Variants in SLC37A3 observed in about 807,000 individuals in gnomAD.
The protein encoded by SLC37A3 is sugar phosphate exchanger 3.
Under a neutral mutation model 67.1 loss-of-function variants are expected in SLC37A3, and 51 were observed. That is an observed-to-expected ratio of 0.76 (90% confidence interval 0.61 to 0.96). The LOEUF is 0.96. Ranked by LOEUF, SLC37A3 falls within the 40% of genes least tolerant of loss-of-function variation. The pLI is 0.00. For missense variants in SLC37A3, 508 were observed against 603.0 expected (o/e 0.84, Z 1.65); for synonymous variants, 214 against 231.4 (o/e 0.92, Z 0.68).
chr7:140,397,573 ACAT>A (rs1798989361), intron 1 of SLC37A3, among the ~76,000 whole-genome samples: 1 of 152,152 alleles, frequency 6.6e-6, no homozygotes, highest in South Asian at 2.1e-4. Context: ...TATCCAAGAA[ACAT>A]CAAACAAACT....
chr7:140,381,498 C>A (rs6464729), intron 2 of SLC37A3, among the ~76,000 whole-genome samples: 53,722 of 151,416 alleles, frequency 0.35, 11,031 homozygotes, highest in African/African-American at 0.56. Context: ...GCACTCCAGT[C>A]TGGGCGACAG....
intron 1 of SLC37A3, among the ~76,000 whole-genome samples, chr7:140,388,595 G>A (rs1232803848): frequency 3.3e-5 from 5 of 151,968 alleles, no homozygotes; most frequent in African/African-American, 1.2e-4. Flanking sequence ...GGAGGATCAC[G>A]AAGTCAGGGG....
intron 4 of SLC37A3, among the ~76,000 whole-genome samples, chr7:140,364,721 GAA>G (rs926076600): frequency 1.4e-5 from 2 of 146,936 alleles, no homozygotes; most frequent in African/African-American, 2.5e-5. Context: ...AAAATAGAAG[GAA>G]AAAAATATTA....
intron 9 of SLC37A3, among the ~76,000 whole-genome samples, chr7:140,350,375 T>A (rs1177847864): frequency 6.6e-6 from 1 of 152,132 alleles, no homozygotes; most frequent in African/African-American, 2.4e-5. Flanking sequence ...AGGGATTTAG[T>A]GTAGACGTTA....
chr7:140,385,073 C>A (rs1191591994), intron 1 of SLC37A3, among the ~76,000 whole-genome samples: 1 of 152,224 alleles, frequency 6.6e-6, no homozygotes, highest in East Asian at 1.9e-4. Context: ...GCCCCTGGGA[C>A]AAGCCATGCT....
chr7:140,371,056 A>G (rs1463411449), intron 3 of SLC37A3, among the ~76,000 whole-genome samples: 2 of 152,204 alleles, frequency 1.3e-5, no homozygotes, highest in African/African-American at 2.4e-5. Flanking sequence ...CAACCCCAGG[A>G]GCTTAGGGAA....
chr7:140,372,963 T>C (rs536580573), intron 3 of SLC37A3, among the ~76,000 whole-genome samples: 1 of 152,272 alleles, frequency 6.6e-6, no homozygotes, highest in East Asian at 1.9e-4. Context: ...ATTTTTCTTT[T>C]TCTTTTGAGA....
At chr7:140,369,922 C>A (rs1474753367) in intron 3 of SLC37A3, among the ~76,000 whole-genome samples, 1 of 152,128 alleles carries the variant, frequency 6.6e-6, no homozygotes, top group Non-Finnish European at 1.5e-5. Context: ...ACCAGCCTGA[C>A]CAACATGGAG....
chr7:140,351,822 A>G, intron 8 of SLC37A3: 1 of 612,596 alleles, frequency 1.6e-6, no homozygotes, highest in South Asian at 1.8e-5. Context: ...AATAATTTGC[A>G]AATGCGAAGA....
chr7:140,383,492 G>C (rs1234875193), intron 1 of SLC37A3, among the ~76,000 whole-genome samples: 1 of 151,980 alleles, frequency 6.6e-6, no homozygotes, highest in East Asian at 1.9e-4. Flanking sequence ...AAAACAAAAT[G>C]ATTAAATACA....
chr7:140,355,921 G>A (rs575933484), intron 6 of SLC37A3, among the ~76,000 whole-genome samples, 157 bp from the exon 7 acceptor site: 10 of 152,226 alleles, frequency 6.6e-5, no homozygotes, highest in South Asian at 2.1e-4. Flanking sequence ...TGGGCTGGGC[G>A]CAGTGGCTCA....
intron 1 of SLC37A3, among the ~76,000 whole-genome samples, chr7:140,386,317 G>A (rs1401551688): frequency 6.6e-6 from 1 of 151,972 alleles, no homozygotes; most frequent in East Asian, 1.9e-4. Context: ...GAATCCTTCC[G>A]CCTCAGCCTT....
chr7:140,354,137 C>T (rs1383729723), intron 7 of SLC37A3, among the ~76,000 whole-genome samples: 5 of 152,330 alleles, frequency 3.3e-5, no homozygotes, highest in Middle Eastern at 3.4e-3. Flanking sequence ...TGTCCCTGTT[C>T]GCTGACAGTT....
rs1796042648 is a variant in SLC37A3, at chr7:140,334,046, G to C, written c.*1366C>G. 1 of 152,082 alleles carries C rather than the reference G, an allele frequency of 6.6e-6. No homozygotes were observed. Among genetic ancestry groups the C allele is most frequent in the South Asian group, 2.1e-4 (1 of 4,822 alleles). The allele number at this position is 152,082 out of a possible 1,614,324, so 9.4% of individuals were successfully genotyped here. On this transcript the variant is annotated 3_prime_UTR_variant, in exon 15 of 15. Transcript: ENST00000326232. ...TAACTAGTATGGAATTCACAGCCCT[G>C]AAGATATATATACTCTACATTTTTC...
chr7:140,374,716 C>G (rs991990096), intron 3 of SLC37A3, among the ~76,000 whole-genome samples: 1 of 151,890 alleles, frequency 6.6e-6, no homozygotes, highest in Non-Finnish European at 1.5e-5. Flanking sequence ...CATGGTGGTG[C>G]ACACCTGTAG....
chr7:140,386,043 A>C (rs545553278), intron 1 of SLC37A3, among the ~76,000 whole-genome samples: 2 of 152,262 alleles, frequency 1.3e-5, no homozygotes, highest in African/African-American at 4.8e-5. Flanking sequence ...TTGGCCTCCC[A>C]AAGTGCTGGC....
intron 1 of SLC37A3, among the ~76,000 whole-genome samples, chr7:140,397,397 T>C (rs545271494): frequency 5.9e-5 from 9 of 151,982 alleles, no homozygotes; most frequent in Admixed American, 5.2e-4. Context: ...TTTCACCATG[T>C]TGGCCAGGCT....
At chr7:140,365,437 T>C (rs981680888) in intron 4 of SLC37A3, among the ~76,000 whole-genome samples, 73 of 150,676 alleles carry the variant, frequency 4.8e-4, no homozygotes, top group African/African-American at 1.6e-3. Flanking sequence ...AAAAAAAAAA[T>C]TGGCCGAGTG....
chr7:140,353,226 T>G (rs1400394029), intron 7 of SLC37A3, among the ~76,000 whole-genome samples: 1 of 152,062 alleles, frequency 6.6e-6, no homozygotes, highest in East Asian at 1.9e-4. Flanking sequence ...CTCATACCTA[T>G]AATCCCAGCA....
Sources: allele counts gnomAD v4.1 joint callset (sites outside exome capture counted in the v4.1 genomes callset), GRCh38; gene constraint gnomAD v4.1.1; transcripts MANE v1.5; gene names NCBI Gene and HGNC (gene_info 2026-07-23, HGNC 2026-07-21).